ARHGEF28: variants seen among roughly 807,000 people sequenced by gnomAD.
ARHGEF28 encodes the protein 190 kDa guanine nucleotide exchange factor.
In ARHGEF28, 152 loss-of-function variants were observed where a neutral mutation model predicts 206.6. The ratio of observed to expected loss-of-function variants is 0.74; its 90% CI spans 0.64 to 0.84. ARHGEF28 has a LOEUF of 0.84. Ranked by LOEUF, ARHGEF28 falls within the 40% of genes least tolerant of loss-of-function variation. The pLI, the probability that ARHGEF28 is intolerant of heterozygous loss-of-function variation, is 0.00. For synonymous variants in ARHGEF28, 763 were observed against 776.4 expected, an observed-to-expected ratio of 0.98 and a Z score of 0.29; for missense variants, 2,028 against 2,073.2, an observed-to-expected ratio of 0.98 and a Z score of 0.42.
intron 9 of ARHGEF28, among the ~76,000 whole-genome samples, chr5:73,809,680 G>A (rs985897271): frequency 6.6e-6 from 1 of 152,216 alleles, no homozygotes; most frequent in Non-Finnish European, 1.5e-5. Context: ...ATCAAGGAAA[G>A]TTTCCTTTCT....
chr5:73,915,327 A>G (rs1342126624), intron 35 of ARHGEF28, among the ~76,000 whole-genome samples: 4 of 152,286 alleles, frequency 2.6e-5, no homozygotes, highest in East Asian at 3.9e-4. Flanking sequence ...TGTTTCTCCA[A>G]TGTTGCCTAA....
intron 35 of ARHGEF28, among the ~76,000 whole-genome samples, chr5:73,919,457 G>A (rs17634951): frequency 0.12 from 19,005 of 152,144 alleles, 1,582 homozygotes; most frequent in South Asian, 0.29. Context: ...AACAAGTTAC[G>A]TAAGTCAACC....
intron 4 of ARHGEF28, among the ~76,000 whole-genome samples, chr5:73,764,380 A>T (rs1752780471): frequency 6.6e-6 from 1 of 152,230 alleles, no homozygotes. Context: ...GCCATCTTGA[A>T]ATTCTGATGA....
intron 4 of ARHGEF28, among the ~76,000 whole-genome samples, chr5:73,758,276 C>T (rs895880787): frequency 1.3e-5 from 2 of 152,126 alleles, no homozygotes; most frequent in Non-Finnish European, 2.9e-5. Flanking sequence ...AAATAAAGCC[C>T]AGTTCCTTAA....
chr5:73,881,522 A>G (rs1192702448), intron 22 of ARHGEF28, among the ~76,000 whole-genome samples: 1 of 152,178 alleles, frequency 6.6e-6, no homozygotes, highest in Non-Finnish European at 1.5e-5. Context: ...TTAGATTTGT[A>G]CCCAGGTGAT....
intron 29 of ARHGEF28, among the ~76,000 whole-genome samples, chr5:73,896,346 G>A (rs1331585541): frequency 6.6e-6 from 1 of 152,162 alleles, no homozygotes; most frequent in East Asian, 1.9e-4. Flanking sequence ...ATGTCAGCGG[G>A]GGTCACCGTT....
chr5:73,778,287 C>G (rs964181909), intron 6 of ARHGEF28: 5 of 152,194 alleles, frequency 3.3e-5, no homozygotes, highest in African/African-American at 1.2e-4. Context: ...ACAGAACAAA[C>G]TCTATTGAAC....
intron 33 of ARHGEF28, chr5:73,905,344 C>G (rs965929518): frequency 1.3e-5 from 2 of 151,772 alleles, no homozygotes; most frequent in Non-Finnish European, 2.9e-5. Flanking sequence ...CAAAACAGGT[C>G]CCTGATGTCA....
At chr5:73,853,370 A>G (rs1189832915) in intron 14 of ARHGEF28, among the ~76,000 whole-genome samples, 1 of 152,234 alleles carries the variant, frequency 6.6e-6, no homozygotes, top group Admixed American at 6.5e-5. Context: ...AATGGCACAC[A>G]TGTTTGACTT....
chr5:73,889,679 A>G (rs729272), intron 26 of ARHGEF28, among the ~76,000 whole-genome samples: 46,541 of 152,222 alleles, frequency 0.31, 8,986 homozygotes, highest in African/African-American at 0.55. Context: ...AGCTCCTTTC[A>G]TCTTCTCCTA....
At chr5:73,681,754 G>C (rs937232466) in intron 1 of ARHGEF28, among the ~76,000 whole-genome samples, 2 of 152,084 alleles carry the variant, frequency 1.3e-5, no homozygotes, top group African/African-American at 4.8e-5. Context: ...GGCAGAGTTT[G>C]CAGTGAGCCA....
At chr5:73,885,474 ATT>A (rs747988864) in intron 24 of ARHGEF28, among the ~76,000 whole-genome samples, 2 of 138,058 alleles carry the variant, frequency 1.4e-5, no homozygotes, top group African/African-American at 2.7e-5. Context: ...ATAGGATTTA[ATT>A]TTTTTTTTTT....
chr5:73,864,952 T>C, intron 17 of ARHGEF28, 80 bp downstream of exon 17: 1 of 1,245,400 alleles, frequency 8.0e-7, no homozygotes. Flanking sequence ...TCTTTTTTAT[T>C]ACCATCTAGA....
chr5:73,831,692 TTTTG>T (rs1013001865), intron 9 of ARHGEF28, among the ~76,000 whole-genome samples: 11 of 152,178 alleles, frequency 7.2e-5, no homozygotes, highest in African/African-American at 1.7e-4. Flanking sequence ...AATGTATAGT[TTTTG>T]TTTGTTTGTT....
chr5:73,681,086 G>A (rs1747062103), intron 1 of ARHGEF28, among the ~76,000 whole-genome samples: 1 of 64,274 alleles, frequency 1.6e-5, no homozygotes, highest in South Asian at 6.6e-4. Flanking sequence ...CTATAGTAAT[G>A]CATTTTTTTT....
At chr5:73,690,663 A>C (rs1747767328) in intron 2 of ARHGEF28, among the ~76,000 whole-genome samples, 1 of 151,924 alleles carries the variant, frequency 6.6e-6, no homozygotes, top group South Asian at 2.1e-4. Context: ...ACACCACTGC[A>C]CTCCAGCCTG....
At chr5:73,766,571 TCTGG>T (rs1752908972) in intron 4 of ARHGEF28, among the ~76,000 whole-genome samples, 2 of 152,234 alleles carry the variant, frequency 1.3e-5, no homozygotes, top group Admixed American at 1.3e-4. Context: ...AGATCCCAAC[TCTGG>T]CTTTGCATTG....
intron 33 of ARHGEF28, chr5:73,908,905 G>GT (rs1208798372): frequency 1.3e-5 from 2 of 152,306 alleles, no homozygotes; most frequent in African/African-American, 2.4e-5. Flanking sequence ...CCAAATAGTT[G>GT]TTTTTTATTT....
chr5:73,741,598 T>A (rs1391867482), intron 2 of ARHGEF28, among the ~76,000 whole-genome samples: 3 of 151,008 alleles, frequency 2.0e-5, no homozygotes. Context: ...TTTTTGTATT[T>A]TTAGTAGAGA....
Sources: allele counts gnomAD v4.1 joint callset (sites outside exome capture counted in the v4.1 genomes callset), GRCh38; gene constraint gnomAD v4.1.1; transcripts MANE v1.5; gene names NCBI Gene and HGNC (gene_info 2026-07-23, HGNC 2026-07-21).